Variants in CREB5 observed in about 807,000 individuals in gnomAD.
The protein encoded by CREB5 is cAMP responsive element binding protein 5.
A neutral mutation model predicts 57.1 loss-of-function variants in CREB5; 19 were observed. The observed-to-expected ratio is 0.33, with a 90% CI of 0.23 to 0.49. CREB5 has a LOEUF of 0.49. Ranked by LOEUF, CREB5 falls within the 20% of genes least tolerant of loss-of-function variation. The pLI, the probability that CREB5 is intolerant of heterozygous loss-of-function variation, is 0.99. For missense variants in CREB5, 579 were observed against 671.6 expected, an observed-to-expected ratio of 0.86 and a Z score of 1.52; for synonymous variants, 238 against 238.3, an observed-to-expected ratio of 1.00 and a Z score of 0.01.
rs527538450 is a variant in CREB5 at position 28,654,895 on chromosome 7, G to A, written c.465-63858G>A. ...AGAAGGGAACGACTCAGACCTAGTC[G>A]GGGTTTACAGGTGAAAATTCAATTC... On this transcript the variant is annotated intron_variant, in intron 5 of 10. Transcript: ENST00000357727. Among the ~76,000 whole-genome samples the A allele has an allele frequency of 1.2e-4, 19 of 152,110 alleles. No individual in the cohort carries two copies. In the South Asian group the frequency reaches 3.7e-3, roughly 30 times the overall value.
chr7:28,612,621 T>A (rs1214945626), intron 5 of CREB5, among the ~76,000 whole-genome samples: 2 of 149,172 alleles, frequency 1.3e-5, no homozygotes, highest in Non-Finnish European at 3.0e-5. Flanking sequence ...TTGGGTAATG[T>A]AAAATACCAC....
In CREB5 at chr7:28,560,550, A is replaced by C. The variant is rs970145011; in HGVS notation, c.292-9815A>C. 2.0e-5 allele frequency among the ~76,000 whole-genome samples: 3 copies of C among 152,154 alleles called. No individual in the cohort carries two copies. In the East Asian group the frequency reaches 5.8e-4, roughly 29 times the overall value. On this transcript the variant is annotated intron_variant, in intron 4 of 10. Coordinates refer to ENST00000357727, the MANE Select transcript of CREB5 (RefSeq NM_182898.4). Reference sequence around the variant, plus strand: ...ATTGGAAGCCAGGAACCAGGCTCCTATATCAGTAGGAAGCAATTGTATGAT... The same window carrying C: ...ATTGGAAGCCAGGAACCAGGCTCCTCTATCAGTAGGAAGCAATTGTATGAT...
chr7:28,312,277 G>A (rs1785293540), intron 1 of CREB5, among the ~76,000 whole-genome samples: 1 of 152,016 alleles, frequency 6.6e-6, no homozygotes, highest in African/African-American at 2.4e-5. Context: ...ACAACCCAAA[G>A]GCAGCCTCTT....
intron 4 of CREB5, among the ~76,000 whole-genome samples, chr7:28,531,129 G>T (rs1006156903): frequency 6.6e-6 from 1 of 152,122 alleles, no homozygotes; most frequent in East Asian, 1.9e-4. Context: ...TGGGTGCAAA[G>T]TAACCAGGCC....
intron 1 of CREB5, among the ~76,000 whole-genome samples, chr7:28,433,509 A>G (rs1788814984): frequency 6.6e-6 from 1 of 152,114 alleles, no homozygotes; most frequent in African/African-American, 2.4e-5. Flanking sequence ...TTACAATTTA[A>G]AAATGCTTTT....
intron 1 of CREB5, among the ~76,000 whole-genome samples, chr7:28,414,399 T>G (rs2128004942): frequency 6.6e-6 from 1 of 152,290 alleles, no homozygotes. Context: ...CAACCAATGC[T>G]TAATTAGTGT....
At chr7:28,733,295 C>T (rs1489547031) in intron 7 of CREB5, among the ~76,000 whole-genome samples, 1 of 152,172 alleles carries the variant, frequency 6.6e-6, no homozygotes, top group Non-Finnish European at 1.5e-5. Context: ...ACTTCCTTCT[C>T]CCTTTTGGCA....
chr7:28,448,301 TTAA>T (rs1461755246), intron 1 of CREB5, among the ~76,000 whole-genome samples: 6 of 152,228 alleles, frequency 3.9e-5, no homozygotes, highest in Non-Finnish European at 7.3e-5. Flanking sequence ...AAGTTAATAC[TTAA>T]TAAAGTTCCC....
chr7:28,432,962 T>C (rs1178666314), intron 1 of CREB5, among the ~76,000 whole-genome samples: 1 of 152,226 alleles, frequency 6.6e-6, no homozygotes, highest in Non-Finnish European at 1.5e-5. Context: ...TTTCTACTTA[T>C]CATTATTTTG....
At chr7:28,717,090 T>TTTTTG (rs1463884021) in intron 5 of CREB5, among the ~76,000 whole-genome samples, 34 of 143,830 alleles carry the variant, frequency 2.4e-4, no homozygotes, top group Non-Finnish European at 4.1e-4. Flanking sequence ...TATATTCTTT[T>TTTTTG]TTTTTTTTTT....
At chr7:28,333,765 A>G (rs1427003153) in intron 1 of CREB5, among the ~76,000 whole-genome samples, 1 of 152,150 alleles carries the variant, frequency 6.6e-6, no homozygotes, top group Non-Finnish European at 1.5e-5. Context: ...CATTGTGTAT[A>G]TGTACCACAT....
At chr7:28,495,655 C>T (rs1218312357) in intron 3 of CREB5, among the ~76,000 whole-genome samples, 1 of 152,148 alleles carries the variant, frequency 6.6e-6, no homozygotes, top group African/African-American at 2.4e-5. Context: ...TTATATTCTT[C>T]CTGTCCTCAA....
At chr7:28,487,592 G>A (rs866301047) in intron 1 of CREB5, among the ~76,000 whole-genome samples, 43 of 152,206 alleles carry the variant, frequency 2.8e-4, no homozygotes, top group African/African-American at 9.9e-4. Context: ...AGATAAGAGG[G>A]AATTGAGGAC....
At position 28,474,950 on chromosome 7, in the gene CREB5, G is replaced by A. The variant is rs147148490; in HGVS notation, c.4-13225G>A. Among the ~76,000 whole-genome samples the A allele has an allele frequency of 3.5e-3, 526 of 152,322 alleles. 3 individuals are homozygous for A. Among genetic ancestry groups the A allele is most frequent in the Middle Eastern group, 0.02 (6 of 294 alleles). ...CCTGACACATAGGATGTGATGGTATGTGAAAGATATGTTTTCATTAAATAA... is the reference window on the plus strand; with the variant it reads ...CCTGACACATAGGATGTGATGGTATATGAAAGATATGTTTTCATTAAATAA... On this transcript the variant is annotated intron_variant, in intron 1 of 10. Coordinates refer to ENST00000357727, the MANE Select transcript of CREB5 (RefSeq NM_182898.4).
intron 5 of CREB5, chr7:28,615,583 C>T (rs191011584): frequency 1.3e-5 from 2 of 152,510 alleles, no homozygotes; most frequent in Non-Finnish European, 2.9e-5. Flanking sequence ...TGCCTTGAAC[C>T]TGGTCTGCTG....
intron 5 of CREB5, among the ~76,000 whole-genome samples, chr7:28,689,203 G>A (rs945483508): frequency 2.6e-5 from 4 of 152,112 alleles, no homozygotes; most frequent in South Asian, 2.1e-4. Context: ...AGGGCCGAGC[G>A]CAGTGGCTCA....
chr7:28,773,804 T>C (rs778189786), intron 7 of CREB5, among the ~76,000 whole-genome samples: 6 of 152,242 alleles, frequency 3.9e-5, no homozygotes, highest in Non-Finnish European at 8.8e-5. Flanking sequence ...TTGAAGGACT[T>C]AGGGAACACT....
intron 7 of CREB5, among the ~76,000 whole-genome samples, chr7:28,739,736 G>C (rs958411869): frequency 6.6e-6 from 1 of 152,194 alleles, no homozygotes; most frequent in African/African-American, 2.4e-5. Flanking sequence ...CATTCTTCCT[G>C]AAGTTGTTGT....
At chr7:28,579,106 T>G (rs548655543) in intron 5 of CREB5, among the ~76,000 whole-genome samples, 106 of 152,346 alleles carry the variant, frequency 7.0e-4, no homozygotes, top group African/African-American at 2.5e-3. Context: ...TTCTTTACCT[T>G]GCTGGGGGCC....
Sources: gnomAD v4.1 joint callset for allele counts (sites outside exome capture counted in the v4.1 genomes callset) on GRCh38, gnomAD v4.1.1 for gene constraint, MANE v1.5 for transcripts, NCBI Gene and HGNC (gene_info 2026-07-23, HGNC 2026-07-21) for gene names.